Variants in MIEF1 observed in about 807,000 individuals in gnomAD.
MIEF1 encodes the protein mitochondrial dynamics protein MIEF1.
Under a neutral mutation model 35.1 loss-of-function variants are expected in MIEF1, and 14 were observed. The ratio of observed to expected loss-of-function variants is 0.40; its 90% CI spans 0.26 to 0.62. MIEF1 has a LOEUF of 0.62. Among genes scored for constraint, MIEF1 ranks in the 20% least tolerant of loss-of-function variants. MIEF1 has a pLI of 0.43. For missense variants in MIEF1, 542 were observed against 615.4 expected, an observed-to-expected ratio of 0.88 and a Z score of 1.26; for synonymous variants, 245 against 254.3, an observed-to-expected ratio of 0.96 and a Z score of 0.35.
At chr22:39,509,901 A>T (rs1802159506) in intron 2 of MIEF1, among the ~76,000 whole-genome samples, 1 of 152,212 alleles carries the variant, frequency 6.6e-6, no homozygotes, top group East Asian at 1.9e-4. Flanking sequence ...AGCATGGTAC[A>T]GTAGAAAAAG....
chr22:39,506,161 A>C (rs1027076947), intron 2 of MIEF1, among the ~76,000 whole-genome samples: 1 of 151,978 alleles, frequency 6.6e-6, no homozygotes, highest in Admixed American at 6.6e-5. Flanking sequence ...TGCTATCACT[A>C]CCCCCTCAAA....
chr22:39,515,508 TC>T lies in MIEF1; in HGVS notation c.*1190del. On this transcript the variant is annotated 3_prime_UTR_variant, in exon 6 of 6. Coordinates refer to ENST00000325301, the MANE Select transcript of MIEF1 (RefSeq NM_019008.6). ...GGCAAGTGAGCATGCACGGACCTCT[TC>T]CCCCTGTCCTGTTTCTCACCCAGCA... The T allele has an allele frequency of 1.6e-6, 1 of 608,498 alleles. No homozygotes were observed. 37.7% of individuals were successfully genotyped at this position (608,498 alleles called of 1,614,324 possible).
chr22:39,511,831 T>C lies in MIEF1; in HGVS notation c.145-18T>C. On this transcript the variant is annotated intron_variant, in intron 3 of 5. Coordinates refer to ENST00000325301, the MANE Select transcript of MIEF1 (RefSeq NM_019008.6). ...AAAGAGGGCAGGTTTATGTCCTGTG[T>C]CCTCTCTGCTATTTCAGATGTACGA... is the stretch of plus-strand genomic sequence containing the variant. 2 of 1,603,622 alleles carry C rather than the reference T, an allele frequency of 1.2e-6. No individual in the cohort carries two copies. Among genetic ancestry groups the C allele is most frequent in the Admixed American group, 3.4e-5 (2 of 59,384 alleles).
chr22:39,513,494 C>T, intron 5 of MIEF1, 23 bp from the exon 6 acceptor site: 2 of 1,608,952 alleles, frequency 1.2e-6, no homozygotes, highest in South Asian at 2.2e-5. Context: ...ACCCTCAAAA[C>T]CCTTTAAATT....
At position 39,514,214 on chromosome 22, in the gene MIEF1, T is replaced by G. The variant is rs1412612696; in HGVS notation, c.1283T>G (p.Leu428Arg). 2 of 1,614,082 alleles carry G rather than the reference T, an allele frequency of 1.2e-6. No individual in the cohort carries two copies. The highest frequency in any genetic ancestry group is 1.7e-6 in the Non-Finnish European group (2 of 1,180,044). ...GAGGCTGGAGTCCTGCCCAGTGCCC[T>G]AAACCCCAAGGTGAACTTATTTGCA... ...YLEAGVLPSA[L>R]NPKVNLFAEL... The change falls in exon 6 of 6, where the codon CTA becomes CGA. Residue 428 changes from leucine to arginine, a missense_variant. By Grantham distance (102) the Leu-to-Arg change is moderately radical (BLOSUM62 -2). Coordinates refer to ENST00000325301, the MANE Select transcript of MIEF1 (RefSeq NM_019008.6).
In MIEF1 at chr22:39,516,659, TG is replaced by T. The variant is rs1384017344; in HGVS notation, c.*2337del. 1 of 152,182 alleles carries T rather than the reference TG, an allele frequency of 6.6e-6. No individual in the cohort carries two copies. The highest frequency in any genetic ancestry group is 2.4e-5 in the African/African-American group (1 of 41,440). 9.4% of individuals were successfully genotyped at this position (152,182 alleles called of 1,614,324 possible). A position where few individuals can be genotyped will look rare whatever the true frequency, so the allele number is the denominator to read the frequency against. ...CGGAGGTTACAGTGAGCTGAGATCG[TG>T]CCACTGCACTCCAGCCTGGGTGACA... On this transcript the variant is annotated 3_prime_UTR_variant, in exon 6 of 6. Coordinates refer to ENST00000325301, the MANE Select transcript of MIEF1 (RefSeq NM_019008.6).
At chr22:39,502,875 C>T (rs1340896011) in intron 1 of MIEF1, among the ~76,000 whole-genome samples, 3 of 152,334 alleles carry the variant, frequency 2.0e-5, no homozygotes, top group Middle Eastern at 6.8e-3. Flanking sequence ...GAAAAATGGG[C>T]AGGGATGGTG....
Position 39,511,323 on chromosome 22 carries a change from A to T in MIEF1, c.29A>T (p.Lys10Met). Residue 10 changes from lysine to methionine, a missense_variant, in exon 3 of 6, where the codon AAG becomes ATG. Transcript: ENST00000325301. ...GCAGGCGCTGGTGAGCGCAAAGGCA[A>T]GAAGGATGACAATGGCATTGGCACG... MAGAGERKG[K>M]KDDNGIGTAI... 1.9e-6 allele frequency: 3 copies of T among 1,613,910 alleles called. No homozygotes were observed.
chr22:39,503,466 C>T (rs1388624811), intron 1 of MIEF1: 1 of 152,174 alleles, frequency 6.6e-6, no homozygotes, highest in Non-Finnish European at 1.5e-5. Flanking sequence ...TACAGATATG[C>T]TTGTGTAAGG....
At chr22:39,501,181 T>C (rs1028639736), upstream of MIEF1, among the ~76,000 whole-genome samples, 1 of 152,162 alleles carries the variant, frequency 6.6e-6, no homozygotes, top group Non-Finnish European at 1.5e-5. Flanking sequence ...CTCTGGCCTC[T>C]TTCCCAGCTC....
intron 3 of MIEF1, 142 bp downstream of exon 3, chr22:39,511,580 T>C: frequency 7.7e-7 from 1 of 1,300,668 alleles, no homozygotes; most frequent in Non-Finnish European, 1.0e-6. Context: ...CAAAAGTATG[T>C]ATAGAGTGAT....
intron 2 of MIEF1, among the ~76,000 whole-genome samples, chr22:39,505,223 C>T (rs908568170): frequency 2.6e-5 from 4 of 152,134 alleles, no homozygotes; most frequent in Non-Finnish European, 4.4e-5. Flanking sequence ...GTCTCGCTCT[C>T]GCCCAACCTG....
At chr22:39,501,126 C>G (rs1334356461), upstream of MIEF1, among the ~76,000 whole-genome samples, 1 of 152,146 alleles carries the variant, frequency 6.6e-6, no homozygotes, top group African/African-American at 2.4e-5. Flanking sequence ...TGCTGTGGTT[C>G]CTTTGCACCC....
In MIEF1 at chr22:39,514,060, C is replaced by T. The variant is rs1399619776; in HGVS notation, c.1129C>T (p.Leu377=). 1 of 1,614,112 alleles carries T rather than the reference C, an allele frequency of 6.2e-7. No homozygotes were observed. Among genetic ancestry groups the T allele is most frequent in the African/African-American group, 1.3e-5 (1 of 75,076 alleles). Reference sequence around the variant, plus strand: ...GGCCATATGCAAGTCCACCCCGGCTCTGGGCCACCTCACTGCCAGCCAGCT... The same window carrying T: ...GGCCATATGCAAGTCCACCCCGGCTTTGGGCCACCTCACTGCCAGCCAGCT... ...LKAICKSTPA[L]GHLTASQLTN... The change falls in exon 6 of 6, where the codon CTG becomes TTG. Residue 377 remains leucine, a synonymous_variant. Transcript: ENST00000325301.
In MIEF1 at chr22:39,517,485, G is replaced by T; in HGVS notation, c.*3162G>T. On this transcript the variant is annotated 3_prime_UTR_variant, in exon 6 of 6. Coordinates refer to ENST00000325301, the MANE Select transcript of MIEF1 (RefSeq NM_019008.6). ...ACTGTGCTCCCTGCACTCCACTCAA[G>T]TTGAGAGTTCAAATAGTCTTGAAGG... 2.1e-6 allele frequency: 1 copy of T among 470,346 alleles called. No homozygotes were observed. The highest frequency in any genetic ancestry group is 4.4e-6 in the Non-Finnish European group (1 of 226,700). 29.1% of individuals were successfully genotyped at this position (470,346 alleles called of 1,614,324 possible).
At chr22:39,502,657 G>A (rs1448222339) in intron 1 of MIEF1, among the ~76,000 whole-genome samples, 1 of 152,248 alleles carries the variant, frequency 6.6e-6, no homozygotes, top group African/African-American at 2.4e-5. Context: ...CCCGAAGCAG[G>A]CCTGCCCTGG....
intron 2 of MIEF1, among the ~76,000 whole-genome samples, chr22:39,510,668 C>G (rs1285483893): frequency 6.6e-6 from 1 of 152,232 alleles, no homozygotes; most frequent in Non-Finnish European, 1.5e-5. Flanking sequence ...AGGTCCCGCT[C>G]AGATCTAACC....
At chr22:39,511,484 T>C (rs1299820996) in intron 3 of MIEF1, 46 bp downstream of exon 3, 1 of 1,490,384 alleles carries the variant, frequency 6.7e-7, no homozygotes, top group African/African-American at 1.4e-5. Context: ...AGTGGTATGG[T>C]CATAAGATGT....
chr22:39,508,138 C>T (rs886599041), intron 2 of MIEF1, among the ~76,000 whole-genome samples: 1 of 152,220 alleles, frequency 6.6e-6, no homozygotes, highest in Non-Finnish European at 1.5e-5. Flanking sequence ...ATGGTTTTTC[C>T]TCACTACAAC....
Sources: gnomAD v4.1 joint callset for allele counts (sites outside exome capture counted in the v4.1 genomes callset) on GRCh38, gnomAD v4.1.1 for gene constraint, MANE v1.5 for transcripts, NCBI Gene and HGNC (gene_info 2026-07-23, HGNC 2026-07-21) for gene names.